INTS9: variants seen among roughly 807,000 people sequenced by gnomAD.
The protein encoded by INTS9 is integrator complex subunit 9.
INTS9 carries 55 observed loss-of-function variants against 79.7 expected under a neutral mutation model. The observed-to-expected ratio is 0.69, with a 90% CI of 0.56 to 0.86. INTS9 has a LOEUF of 0.86. INTS9 is among the 40% of genes least tolerant of loss of function. The pLI is 0.00. For missense variants in INTS9, 721 were observed against 831.5 expected (o/e 0.87, Z 1.64); for synonymous variants, 319 against 325.2 (o/e 0.98, Z 0.20).
intron 1 of INTS9, among the ~76,000 whole-genome samples, chr8:28,864,511 C>A (rs1015793116): frequency 3.3e-5 from 5 of 152,060 alleles, no homozygotes; most frequent in Admixed American, 6.5e-5. Context: ...AATTCATTGA[C>A]TCTAAAATAT....
intron 6 of INTS9, among the ~76,000 whole-genome samples, chr8:28,829,197 T>A (rs767102746): frequency 6.6e-6 from 1 of 152,100 alleles, no homozygotes; most frequent in Non-Finnish European, 1.5e-5. Context: ...GTACTAGAGG[T>A]GGGGTTACTT....
intron 4 of INTS9, among the ~76,000 whole-genome samples, chr8:28,842,428 A>G (rs770054694): frequency 6.6e-6 from 1 of 152,262 alleles, no homozygotes; most frequent in Non-Finnish European, 1.5e-5. Context: ...CCCACATCAC[A>G]GAAGGATCCA....
At chr8:28,856,009 T>G (rs1055708781) in intron 2 of INTS9, among the ~76,000 whole-genome samples, 3 of 152,254 alleles carry the variant, frequency 2.0e-5, no homozygotes, top group Non-Finnish European at 4.4e-5. Flanking sequence ...TTGCTTGTAC[T>G]ATTTTTGCAG....
intron 1 of INTS9, among the ~76,000 whole-genome samples, chr8:28,873,385 A>G (rs1809195743): frequency 6.6e-6 from 1 of 152,218 alleles, no homozygotes; most frequent in Non-Finnish European, 1.5e-5. Context: ...CCAAGTTGCT[A>G]TTTGCAGACA....
At position 28,787,813 on chromosome 8, in the gene INTS9, G is replaced by T; in HGVS notation, c.1098+16C>A. On this transcript the variant is annotated intron_variant, in intron 11 of 16. Coordinates refer to ENST00000521022, the MANE Select transcript of INTS9 (RefSeq NM_018250.4). Reference sequence around the variant, plus strand: ...CATTGCTTCCTTCCCATGTCCCAGTGATTTTGTTTTCTTACCTCTGCATGA... The same window carrying T: ...CATTGCTTCCTTCCCATGTCCCAGTTATTTTGTTTTCTTACCTCTGCATGA... 1 of 1,587,718 alleles carries T rather than the reference G, an allele frequency of 6.3e-7. No individual in the cohort carries two copies. The highest frequency in any genetic ancestry group is 1.3e-5 in the African/African-American group (1 of 74,552).
Position 28,796,550 on chromosome 8 carries a change from T to G in INTS9, c.850A>C (p.Asn284His), listed in dbSNP as rs781098699. ...ATGAGAGACGGTTGCACACCTAGGT[T>G]GCTGCAGAACTCTCCCACCATTCCA... ...PDGMVGEFCSNLALTVRNGGN... is the reference protein window; with the variant it reads ...PDGMVGEFCSHLALTVRNGGN... The change falls in exon 9 of 17, where the codon AAC becomes CAC. Residue 284 changes from asparagine to histidine, a missense_variant. Asn to His is a moderately conservative substitution (Grantham distance 68). Around this residue, in one of 3 missense-constraint regions of INTS9, gnomAD observed 149 missense variants for 223.7 expected, o/e 0.67. Coordinates refer to ENST00000521022, the MANE Select transcript of INTS9 (RefSeq NM_018250.4). The G allele has an allele frequency of 3.3e-5, 52 of 1,596,072 alleles. No homozygotes were observed. The highest frequency in any genetic ancestry group is 4.5e-5 in the Non-Finnish European group (52 of 1,163,592).
intron 4 of INTS9, among the ~76,000 whole-genome samples, chr8:28,841,703 GA>G (rs150229490): frequency 0.01 from 1,548 of 152,208 alleles, 27 homozygotes; most frequent in African/African-American, 0.035. Flanking sequence ...AAGCCTTCCT[GA>G]ATAACATATT....
intron 12 of INTS9, among the ~76,000 whole-genome samples, chr8:28,779,098 C>T (rs1056606838): frequency 4.0e-5 from 6 of 151,182 alleles, no homozygotes; most frequent in Non-Finnish European, 7.4e-5. Context: ...TGTGTAGATG[C>T]TGTCACCACT....
intron 8 of INTS9, among the ~76,000 whole-genome samples, chr8:28,801,593 T>C (rs1015012070): frequency 6.6e-6 from 1 of 152,182 alleles, no homozygotes; most frequent in Non-Finnish European, 1.5e-5. Context: ...AGAAACTACA[T>C]TACTGCCAGT....
intron 8 of INTS9, among the ~76,000 whole-genome samples, chr8:28,799,131 C>T (rs1441592976): frequency 6.6e-6 from 1 of 152,112 alleles, no homozygotes; most frequent in African/African-American, 2.4e-5. Flanking sequence ...CCAGTCTCTA[C>T]TAAAAATACA....
Position 28,869,997 on chromosome 8 carries a change from T to C in INTS9, c.10-10434A>G, listed in dbSNP as rs142954536. 4.4e-3 allele frequency among the ~76,000 whole-genome samples: 671 copies of C among 151,452 alleles called. 4 individuals are homozygous for C. The highest frequency in any genetic ancestry group is 0.015 in the African/African-American group (638 of 41,180). ...TTCCCCAAGAGAAGCGCAGGAAGGG[T>C]GGAAATGTTGATAGTAAATCATTAA... is the stretch of plus-strand genomic sequence containing the variant. On this transcript the variant is annotated intron_variant, in intron 1 of 16. Transcript: ENST00000521022.
intron 11 of INTS9, among the ~76,000 whole-genome samples, chr8:28,785,956 A>G (rs1803562536): frequency 6.6e-6 from 1 of 152,234 alleles, no homozygotes; most frequent in South Asian, 2.1e-4. Context: ...CAAGAAATAA[A>G]GCATTACTAG....
chr8:28,838,824 T>C (rs1806983062), intron 4 of INTS9, among the ~76,000 whole-genome samples: 1 of 152,094 alleles, frequency 6.6e-6, no homozygotes, highest in African/African-American at 2.4e-5. Flanking sequence ...GGTCTGTCTG[T>C]GTAACTCTTA....
chr8:28,816,828 T>G (rs1169818467), intron 6 of INTS9, among the ~76,000 whole-genome samples: 2 of 151,944 alleles, frequency 1.3e-5, no homozygotes, highest in Non-Finnish European at 2.9e-5. Flanking sequence ...GTTTCCTGAC[T>G]TTTTAATGAT....
At chr8:28,837,979 G>C (rs1035892197) in intron 4 of INTS9, among the ~76,000 whole-genome samples, 1 of 152,118 alleles carries the variant, frequency 6.6e-6, no homozygotes, top group Non-Finnish European at 1.5e-5. Flanking sequence ...CCAGCAGTGA[G>C]AACACAGCCA....
rs895845791 is a variant in INTS9 at position 28,812,207 on chromosome 8, G to C, written c.744+120C>G. The C allele has an allele frequency of 6.1e-6, 6 of 990,596 alleles. No homozygotes were observed. In the East Asian group the frequency reaches 1.5e-4, roughly 25 times the overall value. 61.4% of individuals were successfully genotyped at this position (990,596 alleles called of 1,614,324 possible). On this transcript the variant is annotated intron_variant, in intron 8 of 16. Coordinates refer to ENST00000521022, the MANE Select transcript of INTS9 (RefSeq NM_018250.4). ...ACTCAAATAGTCTACCTTGGCTAGA[G>C]AGTATCTGTAGAAAACCATATTTGG...
At chr8:28,869,163 C>T (rs927611266) in intron 1 of INTS9, among the ~76,000 whole-genome samples, 3 of 152,084 alleles carry the variant, frequency 2.0e-5, no homozygotes, top group Non-Finnish European at 4.4e-5. Context: ...CTAATTTCAA[C>T]ATCATCTAAA....
At chr8:28,823,507 C>T (rs1332580753) in intron 6 of INTS9, among the ~76,000 whole-genome samples, 4 of 152,336 alleles carry the variant, frequency 2.6e-5, no homozygotes, top group Non-Finnish European at 1.5e-5. Flanking sequence ...CTGTGTTCAA[C>T]TCTAACTGTT....
chr8:28,888,471 G>A (rs1017953825), intron 1 of INTS9, among the ~76,000 whole-genome samples: 23 of 152,248 alleles, frequency 1.5e-4, no homozygotes, highest in Non-Finnish European at 2.5e-4. Flanking sequence ...GATCGCTTGA[G>A]TCCGAAAGGT....
Sources: allele counts gnomAD v4.1 joint callset (sites outside exome capture counted in the v4.1 genomes callset), GRCh38; gene constraint gnomAD v4.1.1; regional missense constraint gnomAD v4.1.1; transcripts MANE v1.5; gene names NCBI Gene and HGNC (gene_info 2026-07-23, HGNC 2026-07-21).